The following ZNF329 variants were observed in gnomAD, a reference collection of about 807,000 sequenced individuals.
ZNF329 encodes the protein zinc finger protein 329.
Under a neutral mutation model 26.6 loss-of-function variants are expected in ZNF329, and 15 were observed. The observed-to-expected ratio is 0.56, with a 90% CI of 0.38 to 0.87. The LOEUF is 0.87. Ranked by LOEUF, ZNF329 falls within the 40% of genes least tolerant of loss-of-function variation. The pLI, the probability that ZNF329 is intolerant of heterozygous loss-of-function variation, is 0.00. For synonymous variants in ZNF329, 239 were observed against 233.5 expected (o/e 1.02, Z -0.21); for missense variants, 651 against 651.9 (o/e 1.00, Z 0.02).
At chr19:58,151,615 A>G (rs1222455038), upstream of ZNF329, among the ~76,000 whole-genome samples, 1 of 152,052 alleles carries the variant, frequency 6.6e-6, no homozygotes, top group Non-Finnish European at 1.5e-5. Context: ...AAAAAAAAAA[A>G]AAAAAAGGAC....
Position 58,144,347 on chromosome 19 carries a change from C to T in ZNF329, c.-207-1149G>A, listed in dbSNP as rs923576296. On this transcript the variant is annotated intron_variant, in intron 1 of 3. Transcript: ENST00000598312. ...CTGCCACCACACGCAGCTAATTTTA[C>T]ATCTATATCTATCTATCTATCTATC... Among the ~76,000 whole-genome samples, 7 of 104,666 alleles carry T rather than the reference C, an allele frequency of 6.7e-5. No individual in the cohort carries two copies. The South Asian group carries it at 1.2e-3, about 18-fold the overall frequency. The allele number at this position is 104,666 out of a possible 152,430, so 68.7% of individuals were successfully genotyped here.
intron 1 of ZNF329, among the ~76,000 whole-genome samples, chr19:58,144,410 A>T (rs1275361617): frequency 1.9e-5 from 2 of 107,686 alleles, no homozygotes; most frequent in Non-Finnish European, 3.6e-5. Context: ...TTTTTTTGAG[A>T]CGGAGTCTCG....
At chr19:58,138,685 T>C (rs139696146) in intron 3 of ZNF329, among the ~76,000 whole-genome samples, 1 of 152,168 alleles carries the variant, frequency 6.6e-6, no homozygotes, top group Admixed American at 6.6e-5. Flanking sequence ...GAAGGGAAGA[T>C]GCACACGTAC....
chr19:58,148,428 T>C (rs1043492076), intron 1 of ZNF329, among the ~76,000 whole-genome samples: 1 of 147,552 alleles, frequency 6.8e-6, no homozygotes, highest in African/African-American at 2.5e-5. Flanking sequence ...AGGTAAAAAA[T>C]TTCCCTGTTT....
intron 3 of ZNF329, among the ~76,000 whole-genome samples, chr19:58,140,320 C>T (rs1364828620): frequency 1.3e-5 from 2 of 151,892 alleles, no homozygotes; most frequent in Non-Finnish European, 2.9e-5. Context: ...ATTTAGAGTA[C>T]ACTGCAAAAC....
chr19:58,132,349 T>G (rs1366630395), intron 3 of ZNF329: 2 of 151,432 alleles, frequency 1.3e-5, no homozygotes, highest in African/African-American at 2.4e-5. Flanking sequence ...AGCTCAGGAG[T>G]TCGAGACCAG....
rs772920347 is a variant in ZNF329, at chr19:58,127,565, T to G, written c.*313A>C. ...ACTACAGGGCTCTTCATTCCAATCA[T>G]GTTCTGAATGCATTCACAGGTTCTC... On this transcript the variant is annotated 3_prime_UTR_variant, in exon 4 of 4. Transcript: ENST00000598312. 8 of 277,450 alleles carry G rather than the reference T, an allele frequency of 2.9e-5. No individual in the cohort carries two copies. Among genetic ancestry groups the G allele is most frequent in the Non-Finnish European group, 5.4e-5 (8 of 148,282 alleles). The allele number at this position is 277,450 out of a possible 1,614,324, so 17.2% of individuals were successfully genotyped here.
chr19:58,149,098 A>C (rs2075391814), intron 1 of ZNF329, among the ~76,000 whole-genome samples: 1 of 152,220 alleles, frequency 6.6e-6, no homozygotes, highest in African/African-American at 2.4e-5. Context: ...AACCCACCAA[A>C]ACCAAGATGG....
intron 3 of ZNF329, among the ~76,000 whole-genome samples, 179 bp downstream of exon 3, chr19:58,142,378 G>A (rs1415771517): frequency 6.6e-6 from 1 of 152,220 alleles, no homozygotes; most frequent in African/African-American, 2.4e-5. Context: ...TATGCTATGT[G>A]AATTATATCT....
At position 58,140,874 on chromosome 19, in the gene ZNF329, A is replaced by ATTTTTTT. The variant is rs34583536; in HGVS notation, c.-9+1676_-9+1682dup. Among the ~76,000 whole-genome samples the ATTTTTTT allele has an allele frequency of 7.6e-3, 1,022 of 133,872 alleles. 21 individuals are homozygous for ATTTTTTT. Among genetic ancestry groups the ATTTTTTT allele is most frequent in the African/African-American group, 0.027 (978 of 35,986 alleles). 87.8% of individuals were successfully genotyped at this position (133,872 alleles called of 152,430 possible). ...CCACAGTTGCACACCATCACACATA[A>ATTTTTTT]TTTTTTTTTTTTTTTTGAGTTAGAA... On this transcript the variant is annotated intron_variant, in intron 3 of 3. Transcript: ENST00000598312.
At chr19:58,150,709 GA>G (rs1243853628) in intron 1 of ZNF329, 42 bp downstream of exon 1, 1 of 152,756 alleles carries the variant, frequency 6.5e-6, no homozygotes, top group Non-Finnish European at 1.5e-5. Flanking sequence ...CCCTCCGCAG[GA>G]AACGGAGGCA....
At chr19:58,138,067 T>C (rs1250374707) in intron 3 of ZNF329, among the ~76,000 whole-genome samples, 1 of 152,196 alleles carries the variant, frequency 6.6e-6, no homozygotes, top group Admixed American at 6.5e-5. Flanking sequence ...AGTGTAAGGT[T>C]AACAAAATGG....
intron 3 of ZNF329, among the ~76,000 whole-genome samples, chr19:58,133,025 G>A (rs1184069084): frequency 6.6e-6 from 1 of 152,042 alleles, no homozygotes; most frequent in Non-Finnish European, 1.5e-5. Context: ...TGTTAGCCAG[G>A]ATGGTCTCGA....
chr19:58,148,299 T>A (rs953354023), intron 1 of ZNF329, among the ~76,000 whole-genome samples: 2 of 150,354 alleles, frequency 1.3e-5, no homozygotes, highest in African/African-American at 5.0e-5. Flanking sequence ...CAGAGACCTT[T>A]GTTCACTTAT....
intron 3 of ZNF329, among the ~76,000 whole-genome samples, chr19:58,138,626 G>T (rs569125075): frequency 6.6e-6 from 1 of 152,314 alleles, no homozygotes; most frequent in South Asian, 2.1e-4. Flanking sequence ...ATGGTCTGTG[G>T]CCATCCTGTG....
chr19:58,132,742 G>C (rs1162216922), intron 3 of ZNF329: 1 of 151,772 alleles, frequency 6.6e-6, no homozygotes, highest in Non-Finnish European at 1.5e-5. Flanking sequence ...AGTTCCACTG[G>C]TAGGTATCTC....
intron 3 of ZNF329, chr19:58,132,679 G>GAAAAAAAAAAAAAAAAAAAA (rs1024028960): frequency 1.1e-5 from 1 of 87,192 alleles, no homozygotes. Flanking sequence ...GACTCCGTCT[G>GAAAAAAAAAAAAAAAAAAAA]AAAAAAAAAA....
rs1037622374 is a variant in ZNF329, at chr19:58,130,690, A to C, written c.-8-1179T>G. Among the ~76,000 whole-genome samples the C allele has an allele frequency of 4.0e-4, 61 of 151,434 alleles. 1 individual carries two copies. The highest frequency in any genetic ancestry group is 4.1e-4 in the Non-Finnish European group (28 of 67,620). On this transcript the variant is annotated intron_variant, in intron 3 of 3. Transcript: ENST00000598312. The stretch of plus-strand genomic sequence containing the variant: ...CTCCGTCTCAAAAAAAAAAAAAAAA[A>C]AAAACTGGATCATGTACAAAGCAGT...
chr19:58,144,255 A>G (rs895266027), intron 1 of ZNF329, among the ~76,000 whole-genome samples: 5 of 149,620 alleles, frequency 3.3e-5, no homozygotes, highest in Admixed American at 2.0e-4. Context: ...ACTCACTGCA[A>G]CCTCCGCCTC....
Sources: allele counts gnomAD v4.1 joint callset (sites outside exome capture counted in the v4.1 genomes callset), GRCh38; gene constraint gnomAD v4.1.1; transcripts MANE v1.5; gene names NCBI Gene and HGNC (gene_info 2026-07-23, HGNC 2026-07-21).